PHF20: variants seen among roughly 807,000 people sequenced by gnomAD.
PHF20 encodes the protein glioma-expressed antigen 2.
In PHF20, 23 loss-of-function variants were observed where a neutral mutation model predicts 113.5. The ratio of observed to expected loss-of-function variants is 0.20; its 90% CI spans 0.15 to 0.29. The LOEUF (loss-of-function observed/expected upper bound fraction) is 0.29, where lower values mean the gene tolerates loss of function less well. PHF20 is among the 10% of genes least tolerant of loss of function. The probability of loss-of-function intolerance (pLI) is 1.00; values close to 1 mark genes in which losing one functional copy is unlikely to be tolerated. For synonymous variants in PHF20, 434 were observed against 457.3 expected, an observed-to-expected ratio of 0.95 and a Z score of 0.65; for missense variants, 943 against 1,219.6, an observed-to-expected ratio of 0.77 and a Z score of 3.38.
rs994767781 is a variant in PHF20 at position 35,886,653 on chromosome 20, G to A, written c.1283-12717G>A. ...GCTCTTTTCCCCTGGCTGGAGAAGT[G>A]ACAAATAACAGGATCCAGGAGCAGA... On this transcript the variant is annotated intron_variant, in intron 9 of 17. Coordinates refer to ENST00000374012, the MANE Select transcript of PHF20 (RefSeq NM_016436.5). Among the ~76,000 whole-genome samples, 5 of 152,170 alleles carry A rather than the reference G, an allele frequency of 3.3e-5. No individual in the cohort carries two copies. In the East Asian group the frequency reaches 7.7e-4, roughly 23 times the overall value.
chr20:35,918,586 G>A (rs142454724), intron 13 of PHF20, among the ~76,000 whole-genome samples: 1 of 152,240 alleles, frequency 6.6e-6, no homozygotes, highest in East Asian at 1.9e-4. Context: ...TTACATTTTT[G>A]TGTTCAAGAG....
chr20:35,809,985 A>G (rs1192535124), intron 2 of PHF20, among the ~76,000 whole-genome samples: 2 of 151,892 alleles, frequency 1.3e-5, no homozygotes, highest in Non-Finnish European at 2.9e-5. Context: ...GCTGGAGTGC[A>G]GTGGCGCGAT....
At chr20:35,863,555 G>A (rs1344874085) in intron 6 of PHF20, among the ~76,000 whole-genome samples, 155 bp downstream of exon 6, 1 of 152,172 alleles carries the variant, frequency 6.6e-6, no homozygotes, top group African/African-American at 2.4e-5. Context: ...TCATGAAGCT[G>A]AATTTAAGTG....
rs1329524013 is a variant in PHF20, at chr20:35,932,420, T to C, written c.2300+976T>C. Among the ~76,000 whole-genome samples, 5 of 146,356 alleles carry C rather than the reference T, an allele frequency of 3.4e-5. No homozygotes were observed. In the South Asian group the frequency reaches 8.8e-4, roughly 26 times the overall value. On this transcript the variant is annotated intron_variant, in intron 15 of 17. Coordinates refer to ENST00000374012, the MANE Select transcript of PHF20 (RefSeq NM_016436.5). ...GATATACATAATATAAAATTTACCATCTTAACCATTTTTTTTTTTTTTTTT... is the reference window on the plus strand; with the variant it reads ...GATATACATAATATAAAATTTACCACCTTAACCATTTTTTTTTTTTTTTTT...
chr20:35,839,186 C>T (rs539341755), intron 2 of PHF20, among the ~76,000 whole-genome samples: 1 of 151,628 alleles, frequency 6.6e-6, no homozygotes, highest in African/African-American at 2.4e-5. Flanking sequence ...ATCAGGAGAT[C>T]GAGACCATCC....
intron 1 of PHF20, among the ~76,000 whole-genome samples, chr20:35,777,381 T>C (rs1203115138): frequency 6.6e-6 from 1 of 152,224 alleles, no homozygotes; most frequent in Non-Finnish European, 1.5e-5. Flanking sequence ...GTATGAGATG[T>C]AATGTTTTTA....
chr20:35,857,876 G>A (rs1037402717), intron 4 of PHF20, among the ~76,000 whole-genome samples: 2 of 152,144 alleles, frequency 1.3e-5, no homozygotes, highest in Non-Finnish European at 2.9e-5. Flanking sequence ...GAGCCATGAT[G>A]TTCCTTTTAA....
In PHF20 at chr20:35,801,512, G is replaced by A; in HGVS notation, c.-11G>A. The A allele has an allele frequency of 6.2e-7, 1 of 1,606,396 alleles. No individual in the cohort carries two copies. Among genetic ancestry groups the A allele is most frequent in the South Asian group, 1.1e-5 (1 of 90,428 alleles). On this transcript the variant is annotated 5_prime_UTR_variant, in exon 2 of 18. Coordinates refer to ENST00000374012, the MANE Select transcript of PHF20 (RefSeq NM_016436.5). The stretch of plus-strand genomic sequence containing the variant: ...TCAGGAGAATAAAGGCAGCCCCGTT[G>A]ATGACTGAAAATGACAAAGCATCCA...
Position 35,842,744 on chromosome 20 carries a change from T to A in PHF20, c.255T>A (p.Ser85=), listed in dbSNP as rs374414234. The change falls in exon 3 of 18, where the codon TCT becomes TCA. Residue 85 remains serine, a splice_region_variant and synonymous_variant. Coordinates refer to ENST00000374012, the MANE Select transcript of PHF20 (RefSeq NM_016436.5). ...GCTTGCATGAAGAGGATGGATCTTC[T>A]GTGAGTAACAAATCTGGGAAGTTCT... The part of the protein sequence containing the change: ...KEGLHEEDGS[S]EFQINEQVLA... 1 of 1,612,490 alleles carries A rather than the reference T, an allele frequency of 6.2e-7. No individual in the cohort carries two copies.
At chr20:35,774,684 A>G (rs916813258) in intron 1 of PHF20, 1 of 152,208 alleles carries the variant, frequency 6.6e-6, no homozygotes, top group Non-Finnish European at 1.5e-5. Context: ...AGGCAGGAAA[A>G]TACTACACTT....
Position 35,940,962 on chromosome 20 carries a change from G to A in PHF20, c.2811G>A (p.Gln937=). ...GGEGLLSSQH[Q]WQFNLLTHVE... Reference sequence around the variant, plus strand: ...AGGGGCTGCTGAGCTCCCAGCACCAGTGGCAGTTTAACCTGCTGACCCATG... The same window carrying A: ...AGGGGCTGCTGAGCTCCCAGCACCAATGGCAGTTTAACCTGCTGACCCATG... The change falls in exon 17 of 18, where the codon CAG becomes CAA. Residue 937 remains glutamine, a synonymous_variant. Coordinates refer to ENST00000374012, the MANE Select transcript of PHF20 (RefSeq NM_016436.5). 1 of 1,614,228 alleles carries A rather than the reference G, an allele frequency of 6.2e-7. No individual in the cohort carries two copies. Among genetic ancestry groups the A allele is most frequent in the South Asian group, 1.1e-5 (1 of 91,090 alleles).
intron 2 of PHF20, among the ~76,000 whole-genome samples, chr20:35,802,831 C>T (rs1057014074): frequency 1.3e-5 from 2 of 148,548 alleles, no homozygotes; most frequent in Admixed American, 1.4e-4. Flanking sequence ...CCCAGCTTCT[C>T]GGGAGGCTGA....
At chr20:35,822,741 G>A (rs887038290) in intron 2 of PHF20, among the ~76,000 whole-genome samples, 4 of 151,248 alleles carry the variant, frequency 2.6e-5, no homozygotes, top group African/African-American at 9.7e-5. Flanking sequence ...GGGAGGCTGA[G>A]GTGGGAGGAT....
chr20:35,903,167 T>C (rs950535365), intron 10 of PHF20, among the ~76,000 whole-genome samples: 1 of 150,802 alleles, frequency 6.6e-6, no homozygotes, highest in Non-Finnish European at 1.5e-5. Context: ...GATTTTATTC[T>C]CTCTGTTAAT....
intron 2 of PHF20, among the ~76,000 whole-genome samples, chr20:35,841,132 C>A (rs1379233459): frequency 6.6e-6 from 1 of 151,846 alleles, no homozygotes; most frequent in African/African-American, 2.4e-5. Flanking sequence ...ATAGCTTGAG[C>A]CCAGGAGTTT....
intron 17 of PHF20, 95 bp downstream of exon 17, chr20:35,941,142 A>T (rs2055971843): frequency 4.3e-6 from 4 of 920,524 alleles, no homozygotes; most frequent in Non-Finnish European, 4.9e-6. Flanking sequence ...GTTTACAGGG[A>T]CCGCTGTACT....
chr20:35,773,888 A>T (rs2041116805), intron 1 of PHF20, among the ~76,000 whole-genome samples: 1 of 152,168 alleles, frequency 6.6e-6, no homozygotes. Flanking sequence ...CTGGAAAACA[A>T]AAACAAACAA....
At chr20:35,873,263 G>A (rs2054455445) in intron 9 of PHF20, among the ~76,000 whole-genome samples, 1 of 151,730 alleles carries the variant, frequency 6.6e-6, no homozygotes, top group South Asian at 2.1e-4. Context: ...ACCACGCCCA[G>A]CTAATTTTTG....
chr20:35,903,795 T>G (rs945466710), intron 10 of PHF20, among the ~76,000 whole-genome samples: 2 of 152,158 alleles, frequency 1.3e-5, no homozygotes, highest in African/African-American at 2.4e-5. Flanking sequence ...ATGTTCAGTG[T>G]TTATCACGTA....
Sources: allele counts gnomAD v4.1 joint callset (sites outside exome capture counted in the v4.1 genomes callset), GRCh38; gene constraint gnomAD v4.1.1; transcripts MANE v1.5; gene names NCBI Gene and HGNC (gene_info 2026-07-23, HGNC 2026-07-21).